The following NAV3 variants were observed in gnomAD, a reference collection of about 807,000 sequenced individuals.
NAV3 encodes pore membrane and/or filament interacting like protein 1.
NAV3 carries 87 observed loss-of-function variants against 244.7 expected under a neutral mutation model. That is an observed-to-expected ratio of 0.36 (90% confidence interval 0.30 to 0.42). The LOEUF (loss-of-function observed/expected upper bound fraction) is 0.42. Among genes scored for constraint, NAV3 ranks in the 20% least tolerant of loss-of-function variants. The pLI is 1.00. For missense variants in NAV3, 2,663 were observed against 2,893.3 expected (o/e 0.92, Z 1.83); for synonymous variants, 1,126 against 1,042.2 (o/e 1.08, Z -1.55).
chr12:78,128,906 C>T, intron 18 of NAV3, 40 bp downstream of exon 18: 1 of 1,579,750 alleles, frequency 6.3e-7, no homozygotes, highest in Non-Finnish European at 8.7e-7. Flanking sequence ...TTGTTTCTTT[C>T]ACCACCCACT....
intron 1 of NAV3, among the ~76,000 whole-genome samples, chr12:77,918,858 G>A (rs1887428366): frequency 1.3e-5 from 2 of 152,050 alleles, no homozygotes; most frequent in South Asian, 4.2e-4. Flanking sequence ...GGTTACATTG[G>A]GCAAAGCCAG....
intron 2 of NAV3, among the ~76,000 whole-genome samples, chr12:77,743,461 A>T (rs1326819236): frequency 6.6e-6 from 1 of 151,886 alleles, no homozygotes; most frequent in Non-Finnish European, 1.5e-5. Context: ...TCACCCAAGG[A>T]GATATAAAAA....
chr12:77,790,097 C>G (rs1197422026), intron 2 of NAV3, among the ~76,000 whole-genome samples: 2 of 152,204 alleles, frequency 1.3e-5, no homozygotes, highest in Non-Finnish European at 2.9e-5. Context: ...CAGCAGCTTA[C>G]ACTACCAGTA....
upstream of NAV3, among the ~76,000 whole-genome samples, chr12:77,828,660 A>T (rs938212057): frequency 6.6e-6 from 1 of 152,128 alleles, no homozygotes; most frequent in African/African-American, 2.4e-5. Context: ...TTTTTATAGT[A>T]AGTTAGTTTG....
chr12:77,791,130 T>C (rs1375608382), intron 2 of NAV3, among the ~76,000 whole-genome samples: 2 of 151,988 alleles, frequency 1.3e-5, no homozygotes, highest in Non-Finnish European at 2.9e-5. Context: ...CCAAGGTGGG[T>C]GGATCACAAG....
At chr12:78,036,172 G>A (rs994638243) in intron 9 of NAV3, 1 of 152,336 alleles carries the variant, frequency 6.6e-6, no homozygotes, top group South Asian at 2.1e-4. Context: ...AGCCGTTCCC[G>A]TGCCTCTGTT....
chr12:77,584,518 C>T (rs1284504774), intron 2 of NAV3, among the ~76,000 whole-genome samples: 1 of 151,896 alleles, frequency 6.6e-6, no homozygotes, highest in Non-Finnish European at 1.5e-5. Flanking sequence ...TACCCATGTA[C>T]CTTTATTTCT....
intron 1 of NAV3, among the ~76,000 whole-genome samples, chr12:77,905,504 T>C (rs1481836419): frequency 6.6e-6 from 1 of 152,158 alleles, no homozygotes; most frequent in Non-Finnish European, 1.5e-5. Context: ...GTGTGATTTG[T>C]CTAAGAGTAT....
At chr12:77,753,886 C>T (rs1199603926) in intron 2 of NAV3, among the ~76,000 whole-genome samples, 2 of 152,090 alleles carry the variant, frequency 1.3e-5, no homozygotes, top group African/African-American at 4.8e-5. Flanking sequence ...GATGTTTTGT[C>T]ATTCTACTCA....
At chr12:77,778,250 C>G (rs1211575162) in intron 2 of NAV3, among the ~76,000 whole-genome samples, 1 of 148,690 alleles carries the variant, frequency 6.7e-6, no homozygotes, top group Admixed American at 6.8e-5. Flanking sequence ...CTCCCCCCCG[C>G]CCCCCGTCCT....
intron 1 of NAV3, among the ~76,000 whole-genome samples, chr12:77,900,806 G>A (rs866624971): frequency 2.2e-4 from 33 of 151,488 alleles, no homozygotes; most frequent in African/African-American, 7.0e-4. Context: ...TGCTTTCCAC[G>A]GGGTCACCCA....
intron 3 of NAV3, among the ~76,000 whole-genome samples, chr12:77,946,043 G>A (rs1890308035): frequency 6.7e-6 from 1 of 149,748 alleles, no homozygotes; most frequent in African/African-American, 2.4e-5. Flanking sequence ...ACAGGCATGA[G>A]CCACCATGCC....
At chr12:77,999,576 A>G (rs1478418663) in intron 7 of NAV3, among the ~76,000 whole-genome samples, 1 of 152,238 alleles carries the variant, frequency 6.6e-6, no homozygotes, top group Non-Finnish European at 1.5e-5. Flanking sequence ...GCAAAAGTGG[A>G]CAGACTTTAA....
At position 78,150,629 on chromosome 12, in the gene NAV3, CCTCACACACACACA is replaced by C. The variant is rs1394414653; in HGVS notation, c.4785+1712_4785+1725del. 2.9e-4 allele frequency among the ~76,000 whole-genome samples: 35 copies of C among 122,638 alleles called. No homozygotes were observed. In the South Asian group the frequency reaches 4.6e-3, roughly 16 times the overall value. 80.5% of individuals were successfully genotyped at this position (122,638 alleles called of 152,430 possible). On this transcript the variant is annotated intron_variant, in intron 22 of 39. Transcript: ENST00000397909. ...ACTTAATACACACGTGCAAAAGCTT[CCTCACACACACACA>C]CACACACACACACACACACACACAC...
At chr12:77,776,474 C>T (rs985339123) in intron 2 of NAV3, among the ~76,000 whole-genome samples, 38 of 152,114 alleles carry the variant, frequency 2.5e-4, no homozygotes, top group African/African-American at 8.5e-4. Context: ...TATAGAGTTT[C>T]TGTCAAGTTA....
intron 1 of NAV3, among the ~76,000 whole-genome samples, chr12:77,843,633 C>A: frequency 6.6e-6 from 1 of 151,482 alleles, no homozygotes; most frequent in African/African-American, 2.4e-5. Flanking sequence ...TACCTAGAAG[C>A]CACAGAAATG....
chr12:77,735,042 T>G (rs988734310), intron 2 of NAV3, among the ~76,000 whole-genome samples: 2 of 152,180 alleles, frequency 1.3e-5, no homozygotes, highest in African/African-American at 4.8e-5. Flanking sequence ...AATTGATATA[T>G]AAATGTCAGT....
At chr12:78,074,396 G>A (rs975556680) in intron 12 of NAV3, among the ~76,000 whole-genome samples, 2 of 152,142 alleles carry the variant, frequency 1.3e-5, no homozygotes, top group South Asian at 4.1e-4. Context: ...GTGAGTCTTG[G>A]AGGATAAATA....
chr12:77,619,707 G>A (rs547181871), intron 2 of NAV3, among the ~76,000 whole-genome samples: 1 of 152,194 alleles, frequency 6.6e-6, no homozygotes, highest in East Asian at 1.9e-4. Context: ...TGAATAAGTA[G>A]AGTTGTCATG....
Sources: allele counts gnomAD v4.1 joint callset (sites outside exome capture counted in the v4.1 genomes callset), GRCh38; gene constraint gnomAD v4.1.1; transcripts MANE v1.5; gene names NCBI Gene and HGNC (gene_info 2026-07-23, HGNC 2026-07-21).